WHRN: variants seen among roughly 807,000 people sequenced by gnomAD.
WHRN encodes CASK-interacting protein CIP98.
In WHRN, 41 loss-of-function variants were observed where a neutral mutation model predicts 68.3. The observed-to-expected ratio is 0.60, with a 90% confidence interval of 0.47 to 0.78. The LOEUF is 0.78. Ranked by LOEUF, WHRN falls within the 30% of genes least tolerant of loss-of-function variation. WHRN has a pLI of 0.00. For synonymous variants in WHRN, 560 were observed against 561.3 expected, an observed-to-expected ratio of 1.00 and a Z score of 0.03; for missense variants, 1,243 against 1,244.7, an observed-to-expected ratio of 1.00 and a Z score of 0.02.
At chr9:114,408,219 GT>G (rs1240596404) in intron 7 of WHRN, among the ~76,000 whole-genome samples, 1 of 152,210 alleles carries the variant, frequency 6.6e-6, no homozygotes, top group Non-Finnish European at 1.5e-5. Context: ...TTGAAGTTAA[GT>G]TTTCTTTGGG....
rs747068026 is a variant in WHRN at position 114,423,508 on chromosome 9, CAGAG to C, written c.1428_1431del (p.Ser477ArgfsTer2). On this transcript the variant is annotated frameshift_variant, in exon 7 of 12. Coordinates refer to ENST00000362057, the MANE Select transcript of WHRN (RefSeq NM_015404.4). LOFTEE classifies it high-confidence loss of function. ...TGCGGGGAAATGGTGCCTCTCACCT[CAGAG>C]AGGAGTGAGAACTGGAGGCGGGGAC... 1 of 1,609,476 alleles carries C rather than the reference CAGAG, an allele frequency of 6.2e-7. No individual in the cohort carries two copies. The highest frequency in any genetic ancestry group is 8.5e-7 in the Non-Finnish European group (1 of 1,176,370).
At chr9:114,429,340 GT>G (rs1837195724) in intron 3 of WHRN, among the ~76,000 whole-genome samples, 1 of 152,148 alleles carries the variant, frequency 6.6e-6, no homozygotes, top group African/African-American at 2.4e-5. Flanking sequence ...ATGGCTAATG[GT>G]TTCAAAGACA....
rs2132186085 is a variant in WHRN at position 114,403,358 on chromosome 9, A to C, written c.2419-19T>G. 6.2e-7 allele frequency: 1 copy of C among 1,613,734 alleles called. No homozygotes were observed. Among genetic ancestry groups the C allele is most frequent in the Non-Finnish European group, 8.5e-7 (1 of 1,179,982 alleles). On this transcript the variant is annotated intron_variant, in intron 10 of 11. Coordinates refer to ENST00000362057, the MANE Select transcript of WHRN (RefSeq NM_015404.4). The stretch of plus-strand genomic sequence containing the variant: ...GTCCAGGCTGTGGGTATTAGGAAGG[A>C]CACCACTGAGGCCTTCGCAGTTGGC...
At chr9:114,426,492 A>C in intron 3 of WHRN, 79 bp from the exon 4 acceptor site, 2 of 1,535,456 alleles carry the variant, frequency 1.3e-6, no homozygotes, top group Non-Finnish European at 1.8e-6. Context: ...CCAGATCCCA[A>C]TTCTCCTCTG....
At chr9:114,483,484 T>G (rs527817091) in intron 1 of WHRN, among the ~76,000 whole-genome samples, 2 of 152,362 alleles carry the variant, frequency 1.3e-5, no homozygotes, top group East Asian at 3.9e-4. Context: ...TTTTTTCCCC[T>G]GTAGCCACCC....
intron 4 of WHRN, chr9:114,425,530 G>A (rs1564138057): frequency 3.5e-6 from 1 of 284,410 alleles, no homozygotes; most frequent in Non-Finnish European, 6.7e-6. Flanking sequence ...TCTAGATGTT[G>A]GCAAGTAACT....
Position 114,402,791 on chromosome 9 carries a change from A to C in WHRN, c.2687T>G (p.Ile896Ser). 1 of 1,614,068 alleles carries C rather than the reference A, an allele frequency of 6.2e-7. No individual in the cohort carries two copies. The highest frequency in any genetic ancestry group is 8.5e-7 in the Non-Finnish European group (1 of 1,180,038). ...EAFKTKDRDY[I>S]DFLVTEFNVM... ...ATTGAACTCAGTGACCAGAAAGTCA[A>C]TGTAGTCACGGTCCTTAGTCTTGAA... Residue 896 changes from isoleucine (I) to serine (S), a missense_variant, in exon 12 of 12, where the codon ATT becomes AGT. Coordinates refer to ENST00000362057, the MANE Select transcript of WHRN (RefSeq NM_015404.4).
At chr9:114,433,157 T>C (rs924987716) in intron 3 of WHRN, among the ~76,000 whole-genome samples, 1 of 152,240 alleles carries the variant, frequency 6.6e-6, no homozygotes, top group Non-Finnish European at 1.5e-5. Context: ...CTGCCCTTCC[T>C]CTACTTCTTA....
intron 2 of WHRN, among the ~76,000 whole-genome samples, chr9:114,467,369 G>A (rs1047170006): frequency 6.6e-6 from 1 of 152,048 alleles, no homozygotes; most frequent in Admixed American, 6.5e-5. Context: ...AGGCCTTCAC[G>A]GTACAGTGTG....
Position 114,454,480 on chromosome 9 carries a change from T to C in WHRN, c.963+11787A>G, listed in dbSNP as rs144691657. Among the ~76,000 whole-genome samples the C allele has an allele frequency of 3.3e-5, 5 of 152,294 alleles. No homozygotes were observed. The East Asian group carries it at 5.8e-4, about 18-fold the overall frequency. ...TCCAAAGTTAATAAAAACAGTACCA[T>C]TTATAATAGTGCTGAAAATACTTAG... On this transcript the variant is annotated intron_variant, in intron 3 of 11. Transcript: ENST00000362057.
chr9:114,465,872 T>C (rs928720565), intron 3 of WHRN, among the ~76,000 whole-genome samples: 4 of 152,186 alleles, frequency 2.6e-5, no homozygotes, highest in Admixed American at 6.5e-5. Flanking sequence ...CTCTTTAAAA[T>C]GGGAGCCAGT....
rs140762655 is a variant in WHRN, at chr9:114,420,414, C to G, written c.1626+2900G>C. 7.8e-4 allele frequency among the ~76,000 whole-genome samples: 119 copies of G among 152,270 alleles called. 1 individual carries two copies. In the Middle Eastern group the frequency reaches 0.024, roughly 30 times the overall value. On this transcript the variant is annotated intron_variant, in intron 7 of 11. Coordinates refer to ENST00000362057, the MANE Select transcript of WHRN (RefSeq NM_015404.4). ...TTTACTTTGGGGCGAGGCTGGGATCCGTATTCCCAGAGAGAGAAACAAGCT... is the reference window on the plus strand; with the variant it reads ...TTTACTTTGGGGCGAGGCTGGGATCGGTATTCCCAGAGAGAGAAACAAGCT...
intron 1 of WHRN, among the ~76,000 whole-genome samples, chr9:114,483,852 C>A (rs1273552778): frequency 6.6e-6 from 1 of 152,242 alleles, no homozygotes; most frequent in Non-Finnish European, 1.5e-5. Context: ...GAAGGAAAGA[C>A]TGTATTTGCT....
chr9:114,413,601 G>A (rs989734718), intron 7 of WHRN, among the ~76,000 whole-genome samples: 2 of 152,202 alleles, frequency 1.3e-5, no homozygotes, highest in Non-Finnish European at 2.9e-5. Context: ...GTAAGTCTGT[G>A]GGCCAAAGGG....
chr9:114,408,322 C>T (rs1382484046), intron 7 of WHRN, among the ~76,000 whole-genome samples: 1 of 152,186 alleles, frequency 6.6e-6, no homozygotes, highest in Non-Finnish European at 1.5e-5. Flanking sequence ...TGGCCACGAG[C>T]GCTGTGCTCC....
Position 114,477,795 on chromosome 9 carries a change from C to T in WHRN, c.837+758G>A, listed in dbSNP as rs192984641. On this transcript the variant is annotated intron_variant, in intron 2 of 11. Coordinates refer to ENST00000362057, the MANE Select transcript of WHRN (RefSeq NM_015404.4). ...AAATGGCCAGGGCTGGTTTCTGTTA[C>T]TTATGCCCAAGATTCACACTGCACA... Among the ~76,000 whole-genome samples, 455 of 152,314 alleles carry T rather than the reference C, an allele frequency of 3.0e-3. 3 individuals carry two copies. The highest frequency in any genetic ancestry group is 0.01 in the African/African-American group (433 of 41,572).
intron 2 of WHRN, among the ~76,000 whole-genome samples, chr9:114,472,491 G>C (rs1238275769): frequency 1.3e-5 from 2 of 152,124 alleles, no homozygotes; most frequent in East Asian, 3.9e-4. Flanking sequence ...TTCTTAGTGA[G>C]GCCGTCCCTG....
At chr9:114,430,058 C>A (rs1353622454) in intron 3 of WHRN, among the ~76,000 whole-genome samples, 1 of 152,246 alleles carries the variant, frequency 6.6e-6, no homozygotes, top group South Asian at 2.1e-4. Context: ...GCGCTAAGGG[C>A]ATCAATTTTA....
intron 2 of WHRN, among the ~76,000 whole-genome samples, chr9:114,474,400 C>G (rs1841482786): frequency 6.6e-6 from 1 of 152,152 alleles, no homozygotes; most frequent in South Asian, 2.1e-4. Flanking sequence ...CCCAGCAAGT[C>G]TCTGTTGTCT....
Sources: allele counts gnomAD v4.1 joint callset (sites outside exome capture counted in the v4.1 genomes callset), GRCh38; gene constraint gnomAD v4.1.1; transcripts MANE v1.5; gene names NCBI Gene and HGNC (gene_info 2026-07-23, HGNC 2026-07-21).